Variants in ECT2L observed in about 807,000 individuals in gnomAD.
ECT2L encodes the protein epithelial cell-transforming sequence 2 oncogene-like.
Under a neutral mutation model 122.8 loss-of-function variants are expected in ECT2L, and 126 were observed. The ratio of observed to expected loss-of-function variants is 1.03; its 90% CI spans 0.89 to 1.19. The LOEUF (loss-of-function observed/expected upper bound fraction) is 1.19. ECT2L is among the 50% of genes most tolerant of loss of function. The pLI is 0.00. For missense variants in ECT2L, 1,012 were observed against 1,064.1 expected (o/e 0.95, Z 0.68); for synonymous variants, 385 against 381.8 (o/e 1.01, Z -0.10).
chr6:138,846,745 C>G, intron 8 of ECT2L, 68 bp downstream of exon 8: 1 of 1,361,662 alleles, frequency 7.3e-7, no homozygotes, highest in Non-Finnish European at 9.6e-7. Flanking sequence ...TTCATCTAGA[C>G]TAGAGGGTGT....
At chr6:138,855,776 C>T (rs973143957) in intron 10 of ECT2L, among the ~76,000 whole-genome samples, 9 of 152,078 alleles carry the variant, frequency 5.9e-5, no homozygotes, top group Admixed American at 5.2e-4. Flanking sequence ...TCCTTTTTCT[C>T]TCCCTTTTAA....
intron 1 of ECT2L, among the ~76,000 whole-genome samples, chr6:138,806,209 G>A (rs2128369894): frequency 1.3e-5 from 2 of 152,282 alleles, no homozygotes; most frequent in South Asian, 4.1e-4. Context: ...GCTTAAAATG[G>A]TAGCTCAGAG....
At chr6:138,878,598 T>C (rs1335976657) in intron 14 of ECT2L, among the ~76,000 whole-genome samples, 3 of 151,816 alleles carry the variant, frequency 2.0e-5, no homozygotes, top group Admixed American at 6.6e-5. Flanking sequence ...AGGCATGTGC[T>C]ACCACACCCA....
chr6:138,822,696 G>T, intron 4 of ECT2L: 1 of 1,508,080 alleles, frequency 6.6e-7, no homozygotes. Flanking sequence ...CTCCCAGCGT[G>T]AGCGACGCAG....
chr6:138,853,332 T>C (rs1002615337), intron 9 of ECT2L, among the ~76,000 whole-genome samples: 1 of 152,212 alleles, frequency 6.6e-6, no homozygotes, highest in African/African-American at 2.4e-5. Context: ...TTTACTTCTA[T>C]ATAATTGTGT....
intron 13 of ECT2L, among the ~76,000 whole-genome samples, chr6:138,875,480 C>T (rs73778426): frequency 0.041 from 6,254 of 152,314 alleles, 138 homozygotes; most frequent in Middle Eastern, 0.11. Context: ...GCAGCAATAA[C>T]GACCATTGAC....
At chr6:138,851,113 G>A (rs963885523) in intron 9 of ECT2L, among the ~76,000 whole-genome samples, 3 of 150,574 alleles carry the variant, frequency 2.0e-5, no homozygotes, top group Admixed American at 6.6e-5. Flanking sequence ...AACAGTGCAC[G>A]ACATTTACAA....
chr6:138,834,467 A>G (rs1428374909), intron 4 of ECT2L, among the ~76,000 whole-genome samples: 1 of 152,174 alleles, frequency 6.6e-6, no homozygotes, highest in Non-Finnish European at 1.5e-5. Flanking sequence ...TTTGGAAGTA[A>G]TTCATATTCA....
intron 1 of ECT2L, among the ~76,000 whole-genome samples, chr6:138,802,579 TAA>T (rs926662524): frequency 3.3e-5 from 5 of 152,142 alleles, no homozygotes; most frequent in Admixed American, 6.5e-5. Context: ...AAAAAAGAAA[TAA>T]GTTTAATATC....
At chr6:138,877,681 C>T (rs1263946146) in intron 14 of ECT2L, among the ~76,000 whole-genome samples, 2 of 152,102 alleles carry the variant, frequency 1.3e-5, no homozygotes, top group African/African-American at 4.8e-5. Flanking sequence ...TGTTTGTAAT[C>T]CCAGCACTTT....
chr6:138,890,997 T>G (rs1311067073), intron 20 of ECT2L, among the ~76,000 whole-genome samples: 1 of 152,192 alleles, frequency 6.6e-6, no homozygotes. Context: ...ATCGACTGAA[T>G]GGACTCCTCC....
Position 138,881,113 on chromosome 6 carries a change from A to AT in ECT2L, c.1822_1823insT (p.Ser608MetfsTer11), listed in dbSNP as rs752340214. 1.2e-6 allele frequency: 2 copies of AT among 1,614,184 alleles called. No homozygotes were observed. Among genetic ancestry groups the AT allele is most frequent in the South Asian group, 2.2e-5 (2 of 91,076 alleles). The stretch of plus-strand genomic sequence containing the variant: ...ATTGTCATCAAACAGAGCGATTCTG[A>AT]GTGCTGCCAATATCCAGATCATTTT... On this transcript the variant is annotated frameshift_variant, in exon 15 of 22. Coordinates refer to ENST00000541398, the MANE Select transcript of ECT2L (RefSeq NM_001077706.3). LOFTEE classifies it high-confidence loss of function.
chr6:138,833,097 A>G (rs750710183), intron 4 of ECT2L, among the ~76,000 whole-genome samples: 2 of 152,128 alleles, frequency 1.3e-5, no homozygotes, highest in African/African-American at 4.8e-5. Flanking sequence ...CACTATCACA[A>G]GAACAGCGTG....
intron 16 of ECT2L, 21 bp from the exon 17 acceptor site, chr6:138,885,485 A>AATATT: frequency 6.2e-7 from 1 of 1,612,654 alleles, no homozygotes; most frequent in South Asian, 1.1e-5. Context: ...AAGTTTTGAC[A>AATATT]ATATAATCCT....
At chr6:138,854,401 T>A (rs1030171585) in intron 10 of ECT2L, among the ~76,000 whole-genome samples, 2 of 152,192 alleles carry the variant, frequency 1.3e-5, no homozygotes, top group Non-Finnish European at 2.9e-5. Flanking sequence ...TTTATATTTA[T>A]TCTGGAAAAC....
chr6:138,805,927 C>T (rs560845259), intron 1 of ECT2L, among the ~76,000 whole-genome samples: 7 of 152,298 alleles, frequency 4.6e-5, no homozygotes, highest in African/African-American at 1.2e-4. Flanking sequence ...TATGTGGGTA[C>T]AGGGATGGGA....
chr6:138,842,699 G>T (rs1383889686), intron 5 of ECT2L, among the ~76,000 whole-genome samples: 1 of 148,116 alleles, frequency 6.8e-6, no homozygotes, highest in East Asian at 2.0e-4. Flanking sequence ...ATGAACCCGG[G>T]AGGCGGAGCT....
chr6:138,829,422 C>T (rs1323189014), intron 4 of ECT2L, among the ~76,000 whole-genome samples: 1 of 152,166 alleles, frequency 6.6e-6, no homozygotes, highest in Non-Finnish European at 1.5e-5. Context: ...CGGATCCATA[C>T]TCTCAATTCA....
chr6:138,815,682 T>C (rs1776043293), intron 4 of ECT2L, among the ~76,000 whole-genome samples: 1 of 152,218 alleles, frequency 6.6e-6, no homozygotes, highest in Non-Finnish European at 1.5e-5. Context: ...CTAATGTTTG[T>C]TTAGAAAAAC....
Sources: gnomAD v4.1 joint callset for allele counts (sites outside exome capture counted in the v4.1 genomes callset) on GRCh38, gnomAD v4.1.1 for gene constraint, MANE v1.5 for transcripts, NCBI Gene and HGNC (gene_info 2026-07-23, HGNC 2026-07-21) for gene names.